FER1L6: variants seen among roughly 807,000 people sequenced by gnomAD.
FER1L6 encodes the protein fer-1 like family member 6.
In FER1L6, 177 loss-of-function variants were observed where a neutral mutation model predicts 219.2. That is an observed-to-expected ratio of 0.81 (90% CI 0.71 to 0.91). FER1L6 has a LOEUF of 0.91. Ranked by LOEUF, FER1L6 falls within the 40% of genes least tolerant of loss-of-function variation. The pLI, the probability that FER1L6 is intolerant of heterozygous loss-of-function variation, is 0.00. For synonymous variants in FER1L6, 768 were observed against 824.3 expected, an observed-to-expected ratio of 0.93 and a Z score of 1.17; for missense variants, 2,153 against 2,259.9, an observed-to-expected ratio of 0.95 and a Z score of 0.96.
chr8:124,062,594 C>T (rs1820635632), intron 25 of FER1L6, among the ~76,000 whole-genome samples: 1 of 152,178 alleles, frequency 6.6e-6, no homozygotes, highest in Non-Finnish European at 1.5e-5. Context: ...TAAGCTCTAT[C>T]CATATTGCTG....
intron 19 of FER1L6, among the ~76,000 whole-genome samples, chr8:124,039,475 T>C (rs4242353): frequency 6.6e-6 from 1 of 152,078 alleles, no homozygotes; most frequent in Non-Finnish European, 1.5e-5. Flanking sequence ...GGAGTAAAAT[T>C]TGATATTTTA....
intron 20 of FER1L6, among the ~76,000 whole-genome samples, chr8:124,043,745 T>C (rs1274774601): frequency 6.6e-6 from 1 of 152,242 alleles, no homozygotes; most frequent in Admixed American, 6.5e-5. Context: ...GTCTGTTGTC[T>C]TCTCATTTTT....
intron 21 of FER1L6, among the ~76,000 whole-genome samples, chr8:124,048,255 C>A (rs1467754106): frequency 6.6e-6 from 1 of 152,210 alleles, no homozygotes; most frequent in Non-Finnish European, 1.5e-5. Context: ...TAAAACCCAG[C>A]CTCAGCCAAA....
intron 19 of FER1L6, among the ~76,000 whole-genome samples, chr8:124,037,749 A>T (rs1819282842): frequency 6.6e-6 from 1 of 152,108 alleles, no homozygotes; most frequent in Non-Finnish European, 1.5e-5. Context: ...GTGAGCCTCA[A>T]GACAATCAAG....
At chr8:124,005,401 C>T (rs1182350325) in intron 13 of FER1L6, among the ~76,000 whole-genome samples, 1 of 152,200 alleles carries the variant, frequency 6.6e-6, no homozygotes, top group Non-Finnish European at 1.5e-5. Flanking sequence ...GGCAGTATCC[C>T]AATATGTCCT....
At position 123,853,891 on chromosome 8, in the gene FER1L6, C is replaced by T. The variant is rs1816575945; in HGVS notation, c.-8+1706C>T. Among the ~76,000 whole-genome samples, 1 of 152,206 alleles carries T rather than the reference C, an allele frequency of 6.6e-6. No homozygotes were observed. ...GAGCTGCCAGTCTCCTGCAACTCCACAGAGCCTGGACAGGGCAGCAGAAGG... is the reference window on the plus strand; with the variant it reads ...GAGCTGCCAGTCTCCTGCAACTCCATAGAGCCTGGACAGGGCAGCAGAAGG... On this transcript the variant is annotated intron_variant, in intron 1 of 40. Transcript: ENST00000522917. This position sits in a 1 kb window ranked among gnomAD's most constrained non-coding sequence, Gnocchi z 6.6.
At chr8:123,998,651 A>C (rs959031679) in intron 12 of FER1L6, among the ~76,000 whole-genome samples, 1 of 152,070 alleles carries the variant, frequency 6.6e-6, no homozygotes, top group African/African-American at 2.4e-5. Context: ...CAGGGCAATG[A>C]GTTCACCCCT....
chr8:123,964,388 C>A (rs1305383891), intron 3 of FER1L6, among the ~76,000 whole-genome samples: 1 of 152,088 alleles, frequency 6.6e-6, no homozygotes, highest in East Asian at 1.9e-4. Flanking sequence ...TTGGCTGATC[C>A]TGAGTTGTTG....
intron 1 of FER1L6, among the ~76,000 whole-genome samples, chr8:123,865,578 G>C (rs1276692372): frequency 1.3e-5 from 2 of 151,326 alleles, no homozygotes; most frequent in Non-Finnish European, 2.9e-5. Context: ...CCCTCCCCCA[G>C]CCTCGCTGCC....
At chr8:124,013,559 G>A (rs538338611) in intron 15 of FER1L6, 28 bp downstream of exon 15, 13 of 1,491,960 alleles carry the variant, frequency 8.7e-6, no homozygotes, top group South Asian at 3.8e-5. Flanking sequence ...CGGCATAGGC[G>A]GAGCTGAGCT....
At chr8:124,061,810 A>G (rs1820592796) in intron 24 of FER1L6, 42 bp from the exon 25 acceptor site, 3 of 1,604,436 alleles carry the variant, frequency 1.9e-6, no homozygotes, top group Non-Finnish European at 2.6e-6. Flanking sequence ...TGCCCATGGA[A>G]GGGTCACCAG....
chr8:123,980,929 T>G, intron 11 of FER1L6, 118 bp downstream of exon 11: 1 of 868,842 alleles, frequency 1.2e-6, no homozygotes. Context: ...TCTGAAAAAT[T>G]TGTGTTGGCC....
At chr8:123,878,711 A>C (rs1325843831) in intron 1 of FER1L6, among the ~76,000 whole-genome samples, 2 of 152,258 alleles carry the variant, frequency 1.3e-5, no homozygotes, top group African/African-American at 2.4e-5. Flanking sequence ...GTACATTAAT[A>C]AAATACTTTT....
intron 1 of FER1L6, among the ~76,000 whole-genome samples, chr8:123,884,597 G>T (rs1817166504): frequency 6.6e-6 from 1 of 152,212 alleles, no homozygotes; most frequent in Non-Finnish European, 1.5e-5. Flanking sequence ...CTGCTATAAT[G>T]ATGTGTGCAT....
chr8:123,972,838 A>T (rs1400465040), intron 6 of FER1L6, among the ~76,000 whole-genome samples: 1 of 152,108 alleles, frequency 6.6e-6, no homozygotes, highest in African/African-American at 2.4e-5. Flanking sequence ...TGGCTTTTCA[A>T]CCTGGCACCA....
chr8:124,091,206 T>C (rs1199531800), intron 33 of FER1L6, among the ~76,000 whole-genome samples: 1 of 152,220 alleles, frequency 6.6e-6, no homozygotes, highest in African/African-American at 2.4e-5. Flanking sequence ...GTACATTACT[T>C]AAACAAAAAC....
chr8:124,010,576 A>G lies in FER1L6; in HGVS notation c.1701-18A>G, dbSNP rs1817876429. 3 of 1,613,126 alleles carry G rather than the reference A, an allele frequency of 1.9e-6. No homozygotes were observed. The highest frequency in any genetic ancestry group is 2.5e-6 in the Non-Finnish European group (3 of 1,179,638). ...ACACTGATTACCAGCTAACTTCCAG[A>G]CCTAATTGTTTTCACAGGAATTACA... On this transcript the variant is annotated intron_variant, in intron 13 of 40. Transcript: ENST00000522917.
intron 14 of FER1L6, among the ~76,000 whole-genome samples, chr8:124,011,925 AGG>A (rs1817953175): frequency 6.6e-6 from 1 of 152,232 alleles, no homozygotes; most frequent in African/African-American, 2.4e-5. Flanking sequence ...ATAATTATTC[AGG>A]GAATTGAATG....
Position 123,867,098 on chromosome 8 carries a change from G to A in FER1L6, c.-8+14913G>A, listed in dbSNP as rs143231524. On this transcript the variant is annotated intron_variant, in intron 1 of 40. Transcript: ENST00000522917. Reference sequence around the variant, plus strand: ...ATCTCATTTGTCTATTTTTATTTTTGTTGCCTGTGCTCTTGGGGTCCTGTC... The same window carrying A: ...ATCTCATTTGTCTATTTTTATTTTTATTGCCTGTGCTCTTGGGGTCCTGTC... Among the ~76,000 whole-genome samples the A allele has an allele frequency of 1.5e-3, 234 of 152,070 alleles. 2 individuals are homozygous for A. In the East Asian group the frequency reaches 0.02, roughly 13 times the overall value.
Sources: gnomAD v4.1 joint callset for allele counts (sites outside exome capture counted in the v4.1 genomes callset) on GRCh38, gnomAD v4.1.1 for gene constraint, Gnocchi (gnomAD v3.1) non-coding constraint, MANE v1.5 for transcripts, NCBI Gene and HGNC (gene_info 2026-07-23, HGNC 2026-07-21) for gene names.